CREBRF: variants seen among roughly 807,000 people sequenced by gnomAD.
The protein encoded by CREBRF is UPF0474 protein C5orf41.
In CREBRF, 5 loss-of-function variants were observed where a neutral mutation model predicts 66.1. That is an observed-to-expected ratio of 0.08 (90% CI 0.04 to 0.16). The LOEUF (loss-of-function observed/expected upper bound fraction) is 0.16. Among genes scored for constraint, CREBRF ranks in the 10% least tolerant of loss-of-function variants. The pLI is 1.00. For synonymous variants in CREBRF, 229 were observed against 264.4 expected (o/e 0.87, Z 1.30); for missense variants, 531 against 744.9 (o/e 0.71, Z 3.34).
At chr5:173,085,741 C>G in intron 2 of CREBRF, 1 of 768,608 alleles carries the variant, frequency 1.3e-6, no homozygotes, top group Non-Finnish European at 2.4e-6. Flanking sequence ...TTAGGCCTTT[C>G]TGTGTGAGTG....
rs376606038 is a variant in CREBRF, at chr5:173,086,602, G to A, written c.111G>A (p.Ser37=). Residue 37 remains serine, a synonymous_variant, in exon 3 of 9, where the codon TCG becomes TCA. Coordinates refer to ENST00000296953, the MANE Select transcript of CREBRF (RefSeq NM_153607.3). ...GCACAGATCTCTTAGCAAACAGTTC[G>A]GATCCAGATTTCATGTATGAACTGG... ...LMSTDLLANS[S]DPDFMYELDR... is the part of the protein sequence containing the mutation. 88 of 1,611,498 alleles carry A rather than the reference G, an allele frequency of 5.5e-5. No homozygotes were observed. Among genetic ancestry groups the A allele is most frequent in the Non-Finnish European group, 4.5e-5 (53 of 1,178,904 alleles).
chr5:173,126,634 G>C (rs1759281930), intron 8 of CREBRF, among the ~76,000 whole-genome samples: 1 of 152,132 alleles, frequency 6.6e-6, no homozygotes, highest in Non-Finnish European at 1.5e-5. Context: ...TGACTCTGCT[G>C]TACTTGCCAG....
chr5:173,073,445 T>C (rs1049644138), intron 1 of CREBRF, among the ~76,000 whole-genome samples: 9 of 152,206 alleles, frequency 5.9e-5, no homozygotes, highest in African/African-American at 1.9e-4. Flanking sequence ...CACAGATACA[T>C]ACAAACTGAA....
At position 173,122,231 on chromosome 5, in the gene CREBRF, A is replaced by G. The variant is rs542628663; in HGVS notation, c.1682-849A>G. ...ATTCTCCTGCCTCAGCCTCTGGAAT[A>G]GCTGTGACTATAGGCACATGCCACC... On this transcript the variant is annotated intron_variant, in intron 7 of 8. Coordinates refer to ENST00000296953, the MANE Select transcript of CREBRF (RefSeq NM_153607.3). Among the ~76,000 whole-genome samples, 16 of 152,250 alleles carry G rather than the reference A, an allele frequency of 1.1e-4. 1 individual carries two copies. The South Asian group carries it at 3.3e-3, about 32-fold the overall frequency.
In CREBRF at chr5:173,108,718, A is replaced by G. The variant is rs758844507; in HGVS notation, c.1317A>G (p.Glu439=). Residue 439 remains glutamate (E), a synonymous_variant, in exon 5 of 9, where the codon GAA becomes GAG. Coordinates refer to ENST00000296953, the MANE Select transcript of CREBRF (RefSeq NM_153607.3). ...GAAGATACTTCTGGGAGTATAGTGA[A>G]CAACTTACACCATCACAGCAAGAGA... ...GKRRYFWEYS[E]QLTPSQQERM... 6.2e-7 allele frequency: 1 copy of G among 1,614,126 alleles called. No homozygotes were observed. Among genetic ancestry groups the G allele is most frequent in the Admixed American group, 1.7e-5 (1 of 60,006 alleles).
At chr5:173,087,488 G>T (rs559745228) in intron 3 of CREBRF, among the ~76,000 whole-genome samples, 7 of 145,182 alleles carry the variant, frequency 4.8e-5, no homozygotes, top group African/African-American at 1.8e-4. Flanking sequence ...ATGAGGTCAG[G>T]AGATTGAGAC....
chr5:173,066,094 C>A (rs1049423195), intron 1 of CREBRF, among the ~76,000 whole-genome samples: 5 of 152,020 alleles, frequency 3.3e-5, no homozygotes, highest in Non-Finnish European at 7.4e-5. Context: ...AGGCTGCAGG[C>A]GTGTGCCACC....
intron 7 of CREBRF, among the ~76,000 whole-genome samples, chr5:173,120,157 C>CCA (rs1581043098): frequency 6.6e-6 from 1 of 152,110 alleles, no homozygotes; most frequent in East Asian, 1.9e-4. Context: ...CAGGGCTATA[C>CCA]TGGCCTTATA....
chr5:173,114,326 A>G (rs906086294), intron 7 of CREBRF, among the ~76,000 whole-genome samples: 32 of 152,114 alleles, frequency 2.1e-4, no homozygotes, highest in African/African-American at 7.7e-4. Context: ...CGCCTCCTAG[A>G]TATCTGGAAG....
At chr5:173,061,721 TAAAG>T (rs956530482) in intron 1 of CREBRF, among the ~76,000 whole-genome samples, 1 of 152,196 alleles carries the variant, frequency 6.6e-6, no homozygotes, top group Non-Finnish European at 1.5e-5. Context: ...CTTGAAGAAT[TAAAG>T]AGAGTAGGAT....
chr5:173,105,221 A>G (rs1015495687), intron 4 of CREBRF, among the ~76,000 whole-genome samples: 7 of 136,342 alleles, frequency 5.1e-5, no homozygotes, highest in East Asian at 2.9e-4. Flanking sequence ...GTATGTGTGT[A>G]TATATGTGTG....
At chr5:173,069,084 A>G (rs1757523928) in intron 1 of CREBRF, among the ~76,000 whole-genome samples, 1 of 152,048 alleles carries the variant, frequency 6.6e-6, no homozygotes, top group African/African-American at 2.4e-5. Context: ...AAAACAAAAA[A>G]AAAGAAAAGG....
chr5:173,117,659 TC>T (rs1759034001), intron 7 of CREBRF, among the ~76,000 whole-genome samples: 1 of 120,614 alleles, frequency 8.3e-6, no homozygotes, highest in African/African-American at 3.0e-5. Flanking sequence ...TCTCTCTCTC[TC>T]TCTCTTTCTT....
At chr5:173,075,555 T>C (rs575998963) in intron 1 of CREBRF, among the ~76,000 whole-genome samples, 3 of 152,252 alleles carry the variant, frequency 2.0e-5, no homozygotes, top group Non-Finnish European at 1.5e-5. Context: ...ACCTATGAAG[T>C]ATAGCAGGAT....
chr5:173,100,533 C>T (rs932823797), intron 4 of CREBRF, among the ~76,000 whole-genome samples: 1 of 151,904 alleles, frequency 6.6e-6, no homozygotes, highest in Non-Finnish European at 1.5e-5. Context: ...AAGCGATTCT[C>T]CTGCCTCAGC....
At chr5:173,121,328 CTT>C (rs527876904) in intron 7 of CREBRF, among the ~76,000 whole-genome samples, 3 of 143,546 alleles carry the variant, frequency 2.1e-5, no homozygotes, top group Non-Finnish European at 1.5e-5. Context: ...AGTTAACTTG[CTT>C]TTTTTTTTTT....
intron 8 of CREBRF, among the ~76,000 whole-genome samples, chr5:173,127,273 A>AT (rs1759300103): frequency 7.1e-6 from 1 of 141,198 alleles, no homozygotes; most frequent in Non-Finnish European, 1.5e-5. Context: ...AGTGGTTCTT[A>AT]TGCCTCAGCC....
chr5:173,113,082 T>A (rs1758905493), intron 7 of CREBRF, among the ~76,000 whole-genome samples: 2 of 152,180 alleles, frequency 1.3e-5, no homozygotes, highest in African/African-American at 4.8e-5. Context: ...AGCCTCCACC[T>A]TCTGGGCTCA....
At chr5:173,106,429 CA>C (rs1165920660) in intron 4 of CREBRF, among the ~76,000 whole-genome samples, 10 of 142,902 alleles carry the variant, frequency 7.0e-5, no homozygotes, top group Non-Finnish European at 9.2e-5. Context: ...GACTCCATCT[CA>C]AAAAAAAAAG....
Sources: allele counts gnomAD v4.1 joint callset (sites outside exome capture counted in the v4.1 genomes callset), GRCh38; gene constraint gnomAD v4.1.1; transcripts MANE v1.5; gene names NCBI Gene and HGNC (gene_info 2026-07-23, HGNC 2026-07-21).